The following ADD2 variants were observed in gnomAD, a reference collection of about 807,000 sequenced individuals.
ADD2 encodes beta-adducin.
In ADD2, 23 loss-of-function variants were observed where a neutral mutation model predicts 83.0. The observed-to-expected ratio is 0.28, with a 90% confidence interval of 0.20 to 0.39. ADD2 has a LOEUF of 0.39. Among genes scored for constraint, ADD2 ranks in the 10% least tolerant of loss-of-function variants. The probability of loss-of-function intolerance (pLI) is 1.00; values close to 1 mark genes in which losing one functional copy is unlikely to be tolerated. For synonymous variants in ADD2, 375 were observed against 375.4 expected, an observed-to-expected ratio of 1.00 and a Z score of 0.01; for missense variants, 758 against 944.9, an observed-to-expected ratio of 0.80 and a Z score of 2.59.
At chr2:70,678,156 A>G (rs1457288529) in intron 11 of ADD2, among the ~76,000 whole-genome samples, 2 of 152,214 alleles carry the variant, frequency 1.3e-5, no homozygotes, top group African/African-American at 4.8e-5. Context: ...TTTGATACAC[A>G]GGCAACCACT....
rs1028481186 is a variant in ADD2 at position 70,663,314 on chromosome 2, G to A, written c.*111C>T. On this transcript the variant is annotated 3_prime_UTR_variant, in exon 16 of 16. Coordinates refer to ENST00000264436, the MANE Select transcript of ADD2 (RefSeq NM_001617.4). Reference sequence around the variant, plus strand: ...TCTCTAAGTTCCCCTTCCGAATGTGGTCCAGGGTCCTACTCTATCCCTCCT... The same window carrying A: ...TCTCTAAGTTCCCCTTCCGAATGTGATCCAGGGTCCTACTCTATCCCTCCT... The A allele has an allele frequency of 7.7e-5, 96 of 1,246,660 alleles. No individual in the cohort carries two copies. The highest frequency in any genetic ancestry group is 4.8e-4 in the Admixed American group (21 of 43,800). 77.2% of individuals were successfully genotyped at this position (1,246,660 alleles called of 1,614,324 possible).
At chr2:70,725,941 G>A (rs148455760) in intron 1 of ADD2, among the ~76,000 whole-genome samples, 1 of 151,942 alleles carries the variant, frequency 6.6e-6, no homozygotes, top group Admixed American at 6.6e-5. Context: ...AGAATGTATT[G>A]TCTTGGGAGG....
At chr2:70,746,346 C>T (rs187500367) in intron 1 of ADD2, among the ~76,000 whole-genome samples, 1 of 152,346 alleles carries the variant, frequency 6.6e-6, no homozygotes, top group East Asian at 1.9e-4. Flanking sequence ...TACTACTCAG[C>T]TTCCTTTTCC....
In ADD2 at chr2:70,658,461, A is replaced by T. The variant is rs1553364468; in HGVS notation, c.*4964T>A. The T allele has an allele frequency of 6.6e-6, 1 of 152,242 alleles. No individual in the cohort carries two copies. Among genetic ancestry groups the T allele is most frequent in the East Asian group, 1.9e-4 (1 of 5,200 alleles). The allele number at this position is 152,242 out of a possible 1,614,324, so 9.4% of individuals were successfully genotyped here. A position where few individuals can be genotyped will look rare whatever the true frequency, so the allele number is the denominator to read the frequency against. ...CAATGTGCACATTTCATGAGTTTAC[A>T]GTCACTACAGGCCTCTTACTTCTTG... On this transcript the variant is annotated 3_prime_UTR_variant, in exon 16 of 16. Transcript: ENST00000264436.
At chr2:70,737,251 T>C (rs1237979023) in intron 1 of ADD2, among the ~76,000 whole-genome samples, 1 of 152,200 alleles carries the variant, frequency 6.6e-6, no homozygotes, top group African/African-American at 2.4e-5. Flanking sequence ...TTATAAATCA[T>C]ACTGCTATAA....
rs782318646 is a variant in ADD2 at position 70,695,802 on chromosome 2, C to T, written c.475-1G>A. The T allele has an allele frequency of 1.2e-6, 2 of 1,613,950 alleles. No individual in the cohort carries two copies. Among genetic ancestry groups the T allele is most frequent in the South Asian group, 2.2e-5 (2 of 91,014 alleles). On this transcript the variant is annotated splice_acceptor_variant, in intron 5 of 15. Transcript: ENST00000264436. LOFTEE classifies it high-confidence loss of function. ...GGTCCTGCTCCTTGCTGACTCTCAACTGGAGGAAAGACACAAGTTCTCAGG... is the reference window on the plus strand; with the variant it reads ...GGTCCTGCTCCTTGCTGACTCTCAATTGGAGGAAAGACACAAGTTCTCAGG...
chr2:70,745,883 T>A lies in ADD2; in HGVS notation c.-154+22003A>T, dbSNP rs557061369. On this transcript the variant is annotated intron_variant, in intron 1 of 15. Coordinates refer to ENST00000264436, the MANE Select transcript of ADD2 (RefSeq NM_001617.4). ...CAGTTAGAGAAACAGATTAATTGTA[T>A]GTATTACATAAATATCACTCAATGT... 9.2e-5 allele frequency among the ~76,000 whole-genome samples: 14 copies of A among 152,368 alleles called. No homozygotes were observed. The South Asian group carries it at 2.3e-3, about 25-fold the overall frequency.
At chr2:70,764,324 A>C (rs1160977407) in intron 1 of ADD2, among the ~76,000 whole-genome samples, 4 of 151,936 alleles carry the variant, frequency 2.6e-5, no homozygotes, top group African/African-American at 9.7e-5. Context: ...GCTGCTAATA[A>C]ATTGCTGCAA....
chr2:70,677,517 C>T (rs1408694241), intron 12 of ADD2, among the ~76,000 whole-genome samples: 1 of 152,158 alleles, frequency 6.6e-6, no homozygotes, highest in African/African-American at 2.4e-5. Context: ...GTGGGCAGGA[C>T]TTTCAGAGAC....
At chr2:70,740,411 C>T (rs1050828042) in intron 1 of ADD2, among the ~76,000 whole-genome samples, 16 of 152,062 alleles carry the variant, frequency 1.1e-4, no homozygotes, top group African/African-American at 3.1e-4. Context: ...TAAAGGTATC[C>T]CTCCTCACTA....
intron 1 of ADD2, among the ~76,000 whole-genome samples, chr2:70,747,007 A>ATTTTTTTTTT (rs34113265): frequency 8.2e-6 from 1 of 121,226 alleles, no homozygotes. Flanking sequence ...TCCAATATGG[A>ATTTTTTTTTT]TTTTTTTTTT....
intron 15 of ADD2, among the ~76,000 whole-genome samples, chr2:70,670,480 G>A (rs1574217362): frequency 6.6e-6 from 1 of 152,232 alleles, no homozygotes; most frequent in Admixed American, 6.5e-5. Flanking sequence ...CAGAGGATAA[G>A]GTGAGCTGGG....
chr2:70,696,008 T>C (rs993680836), intron 5 of ADD2, among the ~76,000 whole-genome samples: 7 of 152,192 alleles, frequency 4.6e-5, no homozygotes, highest in Admixed American at 2.0e-4. Context: ...GGAAACTCAC[T>C]ATGATCAAGG....
At chr2:70,710,260 C>T (rs1672109650) in intron 2 of ADD2, among the ~76,000 whole-genome samples, 1 of 152,200 alleles carries the variant, frequency 6.6e-6, no homozygotes, top group Admixed American at 6.5e-5. Flanking sequence ...TCATTTTGGC[C>T]AGCACAGCCT....
Position 70,704,375 on chromosome 2 carries a change from T to C in ADD2, c.268A>G (p.Ile90Val). 6.2e-7 allele frequency: 1 copy of C among 1,612,140 alleles called. No individual in the cohort carries two copies. The highest frequency in any genetic ancestry group is 8.5e-7 in the Non-Finnish European group (1 of 1,179,480). The change falls in exon 4 of 16, where the codon ATC becomes GTC. Residue 90 changes from isoleucine (I) to valine (V), a missense_variant. Around this residue, in one of 5 missense-constraint regions of ADD2, gnomAD observed 175 missense variants for 192.1 expected, o/e 0.91. Transcript: ENST00000264436. Reference sequence around the variant, plus strand: ...GAGGTGCTGGCCATGAAGTCCGCGATCTGTCGCAGGGCCCAGATGTTGGAG... The same window carrying C: ...GAGGTGCTGGCCATGAAGTCCGCGACCTGTCGCAGGGCCCAGATGTTGGAG... ...NSSNIWALRQIADFMASTSHA... is the reference protein window; with the variant it reads ...NSSNIWALRQVADFMASTSHA...
chr2:70,663,652 T>G lies in ADD2; in HGVS notation c.1954A>C (p.Arg652=). 6.2e-7 allele frequency: 1 copy of G among 1,614,088 alleles called. No individual in the cohort carries two copies. The highest frequency in any genetic ancestry group is 8.5e-7 in the Non-Finnish European group (1 of 1,180,012). Residue 652 remains arginine (R), a synonymous_variant, in exon 16 of 16, where the codon AGG becomes CGG. Transcript: ENST00000264436. ...TCCTCTGCCGTCTGCTCCTCCTCCCTCCCGTTGACCACCACCCCTTCCGGC... is the reference window on the plus strand; with the variant it reads ...TCCTCTGCCGTCTGCTCCTCCTCCCGCCCGTTGACCACCACCCCTTCCGGC... ...TQPEGVVVNG[R]EEEQTAEEIL... is the part of the protein sequence containing the mutation.
intron 12 of ADD2, 41 bp downstream of exon 12, chr2:70,677,717 G>A (rs1000304086): frequency 9.3e-6 from 15 of 1,604,316 alleles, no homozygotes; most frequent in Non-Finnish European, 1.2e-5. Context: ...AGACCCCCCA[G>A]TGTGGGAGAA....
rs1386763647 is a variant in ADD2, at chr2:70,676,868, T to C, written c.1521A>G (p.Arg507=). 1 of 1,613,704 alleles carries C rather than the reference T, an allele frequency of 6.2e-7. No homozygotes were observed. The highest frequency in any genetic ancestry group is 8.5e-7 in the Non-Finnish European group (1 of 1,179,702). ...EMRNKIREQN[R]QDVKSAGPQS... ...GAGGCCCCGCTGACTTCACATCTTG[T>C]CGGTTTTGTTCTCGAATCTGTGTGG... Residue 507 remains arginine, a synonymous_variant, in exon 13 of 16, where the codon CGA becomes CGG. Transcript: ENST00000264436. This position sits in a 1 kb window ranked among gnomAD's most constrained non-coding sequence, Gnocchi z 4.8.
chr2:70,683,628 T>G lies in ADD2; in HGVS notation c.1088A>C (p.His363Pro), dbSNP rs1362340173. The change falls in exon 10 of 16, where the codon CAT becomes CCT. Residue 363 changes from histidine to proline, a missense_variant. Transcript: ENST00000264436. Reference sequence around the variant, plus strand: ...CATCCTCATGAGGGCCTCAAACTCATGCTCCCCCAGCCGACTCTTCTGCAT... The same window carrying G: ...CATCCTCATGAGGGCCTCAAACTCAGGCTCCCCCAGCCGACTCTTCTGCAT... ...GPMQKSRLGE[H>P]EFEALMRMLD... 1.9e-6 allele frequency: 3 copies of G among 1,613,728 alleles called. No homozygotes were observed. Among genetic ancestry groups the G allele is most frequent in the Non-Finnish European group, 2.5e-6 (3 of 1,179,826 alleles).
Sources: gnomAD v4.1 joint callset for allele counts (sites outside exome capture counted in the v4.1 genomes callset) on GRCh38, gnomAD v4.1.1 for gene constraint, gnomAD v4.1.1 regional missense constraint, Gnocchi (gnomAD v3.1) non-coding constraint, MANE v1.5 for transcripts, NCBI Gene and HGNC (gene_info 2026-07-23, HGNC 2026-07-21) for gene names.